Variants in GSN observed in about 807,000 individuals in gnomAD.
GSN encodes actin-depolymerizing factor.
In GSN, 56 loss-of-function variants were observed where a neutral mutation model predicts 85.7. The observed-to-expected ratio is 0.65, with a 90% CI of 0.53 to 0.82. The LOEUF (loss-of-function observed/expected upper bound fraction) is 0.82, where lower values mean the gene tolerates loss of function less well. GSN is among the 40% of genes least tolerant of loss of function. The pLI is 0.00. For synonymous variants in GSN, 373 were observed against 399.1 expected, an observed-to-expected ratio of 0.93 and a Z score of 0.78; for missense variants, 857 against 979.8, an observed-to-expected ratio of 0.87 and a Z score of 1.67.
intron 11 of GSN, among the ~76,000 whole-genome samples, chr9:121,321,816 A>G (rs1482996304): frequency 6.6e-6 from 1 of 152,058 alleles, no homozygotes; most frequent in East Asian, 1.9e-4. Context: ...GGTCTCGCTC[A>G]CTGCAACCTC....
chr9:121,283,301 C>CT lies in GSN; in HGVS notation c.-10+1754dup, dbSNP rs56834014. The CT allele has an allele frequency of 1.3e-3, 180 of 140,770 alleles. No individual in the cohort carries two copies. The highest frequency in any genetic ancestry group is 1.8e-3 in the African/African-American group (68 of 37,328). The allele number at this position is 140,770 out of a possible 1,614,324, so 8.7% of individuals were successfully genotyped here. A position where few individuals can be genotyped will look rare whatever the true frequency, so the allele number is the denominator to read the frequency against. On this transcript the variant is annotated intron_variant, in intron 2 of 17. Coordinates refer to ENST00000432226, the MANE Select transcript of GSN (RefSeq NM_198252.3). ...TCTTTTTCTTTCTTTCTTTCTTTTT[C>CT]TTTTTTTTTTTTTTTAGACGGAGTC... is the stretch of plus-strand genomic sequence containing the variant.
At chr9:121,206,098 T>G (rs2053877289), upstream of GSN, among the ~76,000 whole-genome samples, 2 of 152,096 alleles carry the variant, frequency 1.3e-5, no homozygotes, top group South Asian at 4.2e-4. Context: ...TATTGAAGAT[T>G]TAGAAGAACT....
chr9:121,276,543 C>T (rs576584642), intron 1 of GSN, among the ~76,000 whole-genome samples: 11 of 152,342 alleles, frequency 7.2e-5, no homozygotes, highest in South Asian at 2.1e-4. Flanking sequence ...GCGCACCCCC[C>T]CGACTGCCTC....
At chr9:121,314,328 C>T (rs745467852) in intron 7 of GSN, among the ~76,000 whole-genome samples, 5 of 152,142 alleles carry the variant, frequency 3.3e-5, no homozygotes, top group Non-Finnish European at 5.9e-5. Flanking sequence ...TTCTGGGAGT[C>T]CACAGATAAA....
At position 121,332,649 on chromosome 9, in the gene GSN, CT is replaced by C. The variant is rs780246906; in HGVS notation, c.*47del. 2 of 1,503,784 alleles carry C rather than the reference CT, an allele frequency of 1.3e-6. No homozygotes were observed. Among genetic ancestry groups the C allele is most frequent in the Non-Finnish European group, 1.8e-6 (2 of 1,088,514 alleles). The allele number at this position is 1,503,784 out of a possible 1,614,324, so 93.2% of individuals were successfully genotyped here. A position where few individuals can be genotyped will look rare whatever the true frequency, so the allele number is the denominator to read the frequency against. ...TGTCACCGGTCAGTGCCTTTTGGAA[CT>C]GTCCTTCCCTCAAAGAGGCCTTAGA... On this transcript the variant is annotated 3_prime_UTR_variant, in exon 18 of 18. Transcript: ENST00000432226. The surrounding 1 kb of genome is among the most constrained non-coding windows in gnomAD (Gnocchi z 4.8).
At chr9:121,323,894 A>G (rs1159524152) in intron 11 of GSN, among the ~76,000 whole-genome samples, 1 of 152,204 alleles carries the variant, frequency 6.6e-6, no homozygotes, top group African/African-American at 2.4e-5. Flanking sequence ...TGACTAGATA[A>G]CACATTCACC....
chr9:121,241,967 T>G (rs1358691258), intron 5 of GSN, among the ~76,000 whole-genome samples: 2 of 152,202 alleles, frequency 1.3e-5, no homozygotes, highest in African/African-American at 2.4e-5. Context: ...GAACTTTGGG[T>G]CTCTACAGAT....
At position 121,219,151 on chromosome 9, in the gene GSN, C is replaced by T. The variant is rs112522249; in HGVS notation, c.-528+8284C>T. The stretch of plus-strand genomic sequence containing the variant: ...GGCCAACTCCTCTGGCCGGGCAGTT[C>T]TGCCAGGGCTCTGTGTCTGCTGCTG... On this transcript the variant is annotated intron_variant, in intron 4 of 24. Coordinates refer to the GSN transcript ENST00000373823. 1.3e-3 allele frequency among the ~76,000 whole-genome samples: 192 copies of T among 152,256 alleles called. 1 individual carries two copies. Among genetic ancestry groups the T allele is most frequent in the Non-Finnish European group, 2.4e-3 (164 of 68,022 alleles).
chr9:121,250,864 C>T (rs1588482526), intron 6 of GSN, among the ~76,000 whole-genome samples: 1 of 134,406 alleles, frequency 7.4e-6, no homozygotes, highest in Admixed American at 8.0e-5. Flanking sequence ...CTTATCATGC[C>T]TGCTTGGGGT....
chr9:121,281,586 T>C (rs1481138642), intron 2 of GSN, 24 bp downstream of exon 2: 1 of 470,638 alleles, frequency 2.1e-6, no homozygotes, highest in Admixed American at 2.4e-5. Context: ...TACAGACACC[T>C]GTCGTCCTCT....
intron 4 of GSN, among the ~76,000 whole-genome samples, chr9:121,217,643 C>G (rs938368101): frequency 1.9e-4 from 29 of 151,970 alleles, no homozygotes; most frequent in Non-Finnish European, 3.5e-4. Flanking sequence ...ATTAAAGACC[C>G]TGTCTCTAAA....
chr9:121,229,382 G>A (rs1030885729), intron 4 of GSN, among the ~76,000 whole-genome samples: 1 of 152,042 alleles, frequency 6.6e-6, no homozygotes, highest in African/African-American at 2.4e-5. Flanking sequence ...CACCACACCC[G>A]GCTAATTTTG....
At position 121,281,475 on chromosome 9, in the gene GSN, G is replaced by T; in HGVS notation, c.-97G>T. 1 of 380,816 alleles carries T rather than the reference G, an allele frequency of 2.6e-6. No homozygotes were observed. The highest frequency in any genetic ancestry group is 5.4e-6 in the Non-Finnish European group (1 of 184,770). 23.6% of individuals were successfully genotyped at this position (380,816 alleles called of 1,614,324 possible). A position where few individuals can be genotyped will look rare whatever the true frequency, so the allele number is the denominator to read the frequency against. ...TCTGTGCCCTTTGTTTACAGGTAGT[G>T]CTCATAGCTCTCTTTGTCCAGTGCT... On this transcript the variant is annotated 5_prime_UTR_variant, in exon 2 of 18. Coordinates refer to ENST00000432226, the MANE Select transcript of GSN (RefSeq NM_198252.3).
chr9:121,247,931 G>T (rs2054735757), intron 5 of GSN, among the ~76,000 whole-genome samples: 1 of 134,964 alleles, frequency 7.4e-6, no homozygotes, highest in African/African-American at 2.8e-5. Flanking sequence ...ACCAATGAAG[G>T]CCATCCATGA....
Position 121,302,986 on chromosome 9 carries a change from G to C in GSN, c.272G>C (p.Arg91Pro). 1 of 1,613,870 alleles carries C rather than the reference G, an allele frequency of 6.2e-7. No homozygotes were observed. The highest frequency in any genetic ancestry group is 8.5e-7 in the Non-Finnish European group (1 of 1,179,908). The change falls in exon 4 of 18, where the codon CGG becomes CCG. Residue 91 changes from arginine to proline, a missense_variant. Transcript: ENST00000432226. The stretch of plus-strand genomic sequence containing the variant: ...CAGCTGGATGACTACCTGAACGGCC[G>C]GGCCGTGCAGCACCGTGAGGTCCAG... ...TVQLDDYLNGRAVQHREVQGF... is the reference protein window; with the variant it reads ...TVQLDDYLNGPAVQHREVQGF...
At chr9:121,317,855 A>AAG (rs138299905) in intron 8 of GSN, 109 of 184,880 alleles carry the variant, frequency 5.9e-4, no homozygotes, top group African/African-American at 1.2e-3. Flanking sequence ...GGTGGGGAGA[A>AAG]AGAGAGAGAG....
chr9:121,210,165 G>T (rs2053946499), intron 2 of GSN: 1 of 152,212 alleles, frequency 6.6e-6, no homozygotes, highest in Non-Finnish European at 1.5e-5. Context: ...TCACAAAGGT[G>T]TGCTTCTTGC....
chr9:121,288,138 G>A (rs2058336434), intron 2 of GSN, among the ~76,000 whole-genome samples: 1 of 152,042 alleles, frequency 6.6e-6, no homozygotes, highest in Admixed American at 6.5e-5. Context: ...TGATGCCCAG[G>A]CTGATCTTGA....
rs1220712217 is a variant in GSN, at chr9:121,318,446, A to G, written c.927A>G (p.Lys309=). ...CGGAGGAGAGGAAGGCTGCCCTCAAAACAGCCTCTGACTTCATCACCAAGA... is the reference window on the plus strand; with the variant it reads ...CGGAGGAGAGGAAGGCTGCCCTCAAGACAGCCTCTGACTTCATCACCAAGA... ...ANTEERKAAL[K]TASDFITKMD... Residue 309 remains lysine, a synonymous_variant, in exon 9 of 18, where the codon AAA becomes AAG. Coordinates refer to ENST00000432226, the MANE Select transcript of GSN (RefSeq NM_198252.3). This position sits in a 1 kb window ranked among gnomAD's most constrained non-coding sequence, Gnocchi z 4.3. The G allele has an allele frequency of 6.2e-7, 1 of 1,614,132 alleles. No individual in the cohort carries two copies. Among genetic ancestry groups the G allele is most frequent in the Admixed American group, 1.7e-5 (1 of 60,030 alleles).
Sources: allele counts gnomAD v4.1 joint callset (sites outside exome capture counted in the v4.1 genomes callset), GRCh38; gene constraint gnomAD v4.1.1; non-coding constraint Gnocchi (gnomAD v3.1); transcripts MANE v1.5; gene names NCBI Gene and HGNC (gene_info 2026-07-23, HGNC 2026-07-21).